ANKS3: variants seen among roughly 807,000 people sequenced by gnomAD.
The protein encoded by ANKS3 is ankyrin repeat and sterile alpha motif domain containing 3.
ANKS3 carries 62 observed loss-of-function variants against 80.7 expected under a neutral mutation model. That is an observed-to-expected ratio of 0.77 (90% CI 0.63 to 0.95). The LOEUF (loss-of-function observed/expected upper bound fraction) is 0.95. Among genes scored for constraint, ANKS3 ranks in the 40% least tolerant of loss-of-function variants. ANKS3 has a pLI of 0.00. For missense variants in ANKS3, 1,150 were observed against 883.6 expected (o/e 1.30, Z -3.82); for synonymous variants, 489 against 355.3 (o/e 1.38, Z -4.23).
chr16:4,698,669 T>A (rs1262088271), intron 13 of ANKS3, 70 bp from the exon 14 acceptor site: 1 of 1,527,302 alleles, frequency 6.5e-7, no homozygotes, highest in Admixed American at 1.9e-5. Flanking sequence ...GCCACGGCCC[T>A]GTCCTGTGTG....
chr16:4,733,476 G>C (rs1471023899), intron 1 of ANKS3, among the ~76,000 whole-genome samples: 1 of 151,958 alleles, frequency 6.6e-6, no homozygotes, highest in Non-Finnish European at 1.5e-5. Context: ...ATGTTTAGTA[G>C]AGACGAAGTG....
intron 6 of ANKS3, among the ~76,000 whole-genome samples, chr16:4,720,958 A>G (rs1409416770): frequency 1.3e-5 from 2 of 148,716 alleles, no homozygotes; most frequent in African/African-American, 2.5e-5. Context: ...ACAAACAAAC[A>G]AAAAAACTCT....
At chr16:4,719,889 C>T (rs747030488) in intron 6 of ANKS3, among the ~76,000 whole-genome samples, 4 of 152,108 alleles carry the variant, frequency 2.6e-5, no homozygotes, top group African/African-American at 4.8e-5. Context: ...CCTGGCCAGG[C>T]ACAGTGGCTC....
chr16:4,700,402 G>A, intron 11 of ANKS3: 1 of 198,220 alleles, frequency 5.0e-6, no homozygotes, highest in Non-Finnish European at 1.0e-5. Flanking sequence ...AGATGACAGT[G>A]CGAGACTCCG....
At chr16:4,721,273 CTA>C (rs1229758661) in intron 6 of ANKS3, among the ~76,000 whole-genome samples, 1 of 145,812 alleles carries the variant, frequency 6.9e-6, no homozygotes, top group Non-Finnish European at 1.5e-5. Context: ...CCACTGCACT[CTA>C]GCCTGGGCAA....
At chr16:4,728,777 C>T (rs1206344812) in intron 3 of ANKS3, among the ~76,000 whole-genome samples, 1 of 152,184 alleles carries the variant, frequency 6.6e-6, no homozygotes, top group Non-Finnish European at 1.5e-5. Context: ...ACTTAAGAGC[C>T]TGAGAATTCC....
At chr16:4,696,961 G>T in intron 17 of ANKS3, 56 bp downstream of exon 17, 1 of 1,555,452 alleles carries the variant, frequency 6.4e-7, no homozygotes, top group Non-Finnish European at 8.8e-7. Context: ...ACCTGCAGCC[G>T]CCCAGACAGG....
intron 9 of ANKS3, chr16:4,701,892 G>A (rs925090918): frequency 3.8e-5 from 22 of 584,728 alleles, no homozygotes; most frequent in African/African-American, 3.4e-4. Context: ...ACCTGTTGCT[G>A]TGGAACGGCT....
Position 4,699,167 on chromosome 16 carries a change from C to T in ANKS3, c.1294G>A (p.Ala432Thr), listed in dbSNP as rs371585380. 1.9e-5 allele frequency: 30 copies of T among 1,613,906 alleles called. No individual in the cohort carries two copies. The highest frequency in any genetic ancestry group is 3.3e-5 in the South Asian group (3 of 91,080). Residue 432 changes from alanine (A) to threonine (T), a missense_variant, in exon 12 of 18, where the codon GCA becomes ACA. Ala to Thr is a moderately conservative substitution (Grantham distance 58, BLOSUM62 0). Coordinates refer to ENST00000304283, the MANE Select transcript of ANKS3 (RefSeq NM_133450.4). ...AGACACCCGATCTGCTCCAGCAGTGCGGCAAGGTCCTGGCAGGCACAGGGG... is the reference window on the plus strand; with the variant it reads ...AGACACCCGATCTGCTCCAGCAGTGTGGCAAGGTCCTGGCAGGCACAGGGG... ...APYSGPQDLA[A>T]LLEQIGCLKY... is the part of the protein sequence containing the mutation.
chr16:4,727,332 G>T, intron 3 of ANKS3, 155 bp from the exon 4 acceptor site: 1 of 722,552 alleles, frequency 1.4e-6, no homozygotes, highest in Non-Finnish European at 2.3e-6. Flanking sequence ...CAGGCAGGCA[G>T]AAAAATGCTG....
At chr16:4,731,000 T>C (rs2081586980) in intron 2 of ANKS3, among the ~76,000 whole-genome samples, 1 of 152,180 alleles carries the variant, frequency 6.6e-6, no homozygotes, top group South Asian at 2.1e-4. Context: ...CGGTGGCACA[T>C]CCATATAATG....
chr16:4,728,084 C>G (rs1027599072), intron 3 of ANKS3: 1 of 152,136 alleles, frequency 6.6e-6, no homozygotes, highest in African/African-American at 2.4e-5. Flanking sequence ...CTCGCTCTGT[C>G]GCCCAGGCTG....
At position 4,724,187 on chromosome 16, in the gene ANKS3, T is replaced by A. The variant is rs574654042; in HGVS notation, c.573+563A>T. ...AATTGCAAAATGTTAAAAACTAAGT[T>A]TCTACTAATAAGAAACTCATTAAAT... On this transcript the variant is annotated intron_variant, in intron 6 of 17. Coordinates refer to ENST00000304283, the MANE Select transcript of ANKS3 (RefSeq NM_133450.4). Among the ~76,000 whole-genome samples the A allele has an allele frequency of 2.3e-3, 347 of 152,350 alleles. 3 individuals are homozygous for A. Among genetic ancestry groups the A allele is most frequent in the Non-Finnish European group, 4.4e-3 (300 of 68,030 alleles).
chr16:4,707,333 G>A (rs1255187313), intron 7 of ANKS3, among the ~76,000 whole-genome samples: 5 of 149,080 alleles, frequency 3.4e-5, no homozygotes, highest in African/African-American at 1.2e-4. Flanking sequence ...CTAGGCTGGA[G>A]TGCAGTGGCA....
At chr16:4,727,502 G>A (rs1221213978) in intron 3 of ANKS3, 2 of 397,662 alleles carry the variant, frequency 5.0e-6, no homozygotes, top group African/African-American at 4.1e-5. Context: ...GGCATTTTTG[G>A]TTCTCACAAC....
At chr16:4,699,372 A>G (rs1029858181) in intron 11 of ANKS3, 196 bp from the exon 12 acceptor site, 19 of 679,170 alleles carry the variant, frequency 2.8e-5, no homozygotes, top group African/African-American at 2.5e-4. Flanking sequence ...TCCTCACACT[A>G]TGGTCGGCCA....
chr16:4,713,747 A>G (rs1409093627), intron 7 of ANKS3, among the ~76,000 whole-genome samples: 1 of 152,244 alleles, frequency 6.6e-6, no homozygotes, highest in African/African-American at 2.4e-5. Context: ...TGAACAAGCC[A>G]TAGCTCAGGA....
At chr16:4,727,235 A>G in intron 3 of ANKS3, 58 bp from the exon 4 acceptor site, 2 of 1,578,770 alleles carry the variant, frequency 1.3e-6, no homozygotes, top group South Asian at 1.1e-5. Flanking sequence ...GGGGTTCACC[A>G]AAGCTGGTGG....
chr16:4,698,118 C>A, intron 14 of ANKS3, 56 bp from the exon 15 acceptor site: 4 of 1,527,034 alleles, frequency 2.6e-6, no homozygotes, highest in Non-Finnish European at 3.6e-6. Context: ...GCTGCAGAGC[C>A]CCCACCTCAG....
Sources: gnomAD v4.1 joint callset for allele counts (sites outside exome capture counted in the v4.1 genomes callset) on GRCh38, gnomAD v4.1.1 for gene constraint, MANE v1.5 for transcripts, NCBI Gene and HGNC (gene_info 2026-07-23, HGNC 2026-07-21) for gene names.